NAV2: variants seen among roughly 807,000 people sequenced by gnomAD.
NAV2 encodes the protein helicase, APC down-regulated 1.
NAV2 carries 54 observed loss-of-function variants against 223.2 expected under a neutral mutation model. The observed-to-expected ratio is 0.24, with a 90% CI of 0.19 to 0.30. The LOEUF is 0.30. Among genes scored for constraint, NAV2 ranks in the 10% least tolerant of loss-of-function variants. The pLI, the probability that NAV2 is intolerant of heterozygous loss-of-function variation, is 1.00. For missense variants in NAV2, 2,806 were observed against 3,147.5 expected (o/e 0.89, Z 2.60); for synonymous variants, 1,279 against 1,239.3 (o/e 1.03, Z -0.67).
intron 1 of NAV2, among the ~76,000 whole-genome samples, chr11:19,644,826 C>T (rs558333145): frequency 1.1e-4 from 17 of 152,322 alleles, no homozygotes; most frequent in Non-Finnish European, 2.4e-4. Context: ...AAAACCAGAG[C>T]ACAAAGGTAT....
Position 19,736,910 on chromosome 11 carries a change from C to A in NAV2, c.267+22948C>A, listed in dbSNP as rs747478525. 2.6e-5 allele frequency among the ~76,000 whole-genome samples: 4 copies of A among 152,240 alleles called. No homozygotes were observed. In the South Asian group the frequency reaches 8.3e-4, roughly 32 times the overall value. ...CACCTGGCAAACCTTTTCTGAGGGG[C>A]CCCTACCAGGGGAAAAAAAAACTTA... is the stretch of plus-strand genomic sequence containing the variant. On this transcript the variant is annotated intron_variant, in intron 1 of 37. Transcript: ENST00000349880.
chr11:19,507,429 G>C (rs1175121036), intron 1 of NAV2, among the ~76,000 whole-genome samples: 1 of 152,166 alleles, frequency 6.6e-6, no homozygotes, highest in African/African-American at 2.4e-5. Context: ...CTCATTTGTT[G>C]TAATTAACAG....
intron 1 of NAV2, among the ~76,000 whole-genome samples, chr11:19,592,357 T>C (rs1387757315): frequency 1.3e-5 from 2 of 152,006 alleles, no homozygotes; most frequent in Non-Finnish European, 2.9e-5. Flanking sequence ...ATCTACTCAA[T>C]CCTCAAAACA....
chr11:19,848,887 C>A (rs1196033510), intron 3 of NAV2, among the ~76,000 whole-genome samples: 1 of 152,182 alleles, frequency 6.6e-6, no homozygotes, highest in Admixed American at 6.5e-5. Flanking sequence ...CCTGAGAGAT[C>A]TCATGTCACA....
intron 1 of NAV2, among the ~76,000 whole-genome samples, chr11:19,802,377 T>C (rs1035969283): frequency 6.6e-6 from 1 of 152,110 alleles, no homozygotes; most frequent in African/African-American, 2.4e-5. Context: ...GCCTGTGCTC[T>C]TTTTTCTAAA....
chr11:19,678,019 CTAT>C (rs1450518807), intron 1 of NAV2, among the ~76,000 whole-genome samples: 11 of 152,180 alleles, frequency 7.2e-5, no homozygotes, highest in African/African-American at 2.2e-4. Context: ...GAATCCATCC[CTAT>C]TGTCAGGTTG....
chr11:19,913,414 G>C lies in NAV2; in HGVS notation c.932-19762G>C, dbSNP rs535431409. Among the ~76,000 whole-genome samples, 5 of 152,176 alleles carry C rather than the reference G, an allele frequency of 3.3e-5. No individual in the cohort carries two copies. In the South Asian group the frequency reaches 1.0e-3, roughly 32 times the overall value. On this transcript the variant is annotated intron_variant, in intron 6 of 37. Transcript: ENST00000349880. ...AAACCTGTCTGCTCATTCCTTCACT[G>C]TTGGCCACCCCAGTTGGTCTTATCT...
At chr11:20,022,197 T>C (rs1476486993) in intron 11 of NAV2, among the ~76,000 whole-genome samples, 1 of 152,250 alleles carries the variant, frequency 6.6e-6, no homozygotes, top group African/African-American at 2.4e-5. Flanking sequence ...AAGTTTGCTT[T>C]TGAGTTCTCA....
chr11:19,416,255 T>C (rs1850364980), intron 1 of NAV2, among the ~76,000 whole-genome samples: 1 of 152,170 alleles, frequency 6.6e-6, no homozygotes, highest in Admixed American at 6.5e-5. Context: ...AGTCTCAGGA[T>C]ACAAAATCAA....
At chr11:19,362,496 A>G (rs1490259937) in intron 1 of NAV2, among the ~76,000 whole-genome samples, 2 of 152,198 alleles carry the variant, frequency 1.3e-5, no homozygotes, top group Non-Finnish European at 2.9e-5. Flanking sequence ...AAGTTCGTCA[A>G]TGTACCACCT....
rs188108978 is a variant in NAV2, at chr11:19,363,075, G to T, written c.75+12048G>T. 7.2e-4 allele frequency among the ~76,000 whole-genome samples: 109 copies of T among 152,206 alleles called. 1 individual carries two copies. The highest frequency in any genetic ancestry group is 1.3e-3 in the Non-Finnish European group (87 of 68,012). ...TATACACGTGCCATGCTGGTTTGCT[G>T]GTCCCATCAACCCATCACCTACATG... On this transcript the variant is annotated intron_variant, in intron 1 of 37. Coordinates refer to the NAV2 transcript ENST00000360655.
chr11:19,906,849 T>G (rs2028609), intron 6 of NAV2, among the ~76,000 whole-genome samples: 1 of 151,978 alleles, frequency 6.6e-6, no homozygotes, highest in Non-Finnish European at 1.5e-5. Context: ...TCTCCAGCCT[T>G]TGGGATTCTT....
intron 22 of NAV2, among the ~76,000 whole-genome samples, chr11:20,074,760 C>CCTCTTTTTTTTTTT (rs56895607): frequency 9.1e-6 from 1 of 110,240 alleles, no homozygotes; most frequent in Admixed American, 9.5e-5. Context: ...TGCAACTCTG[C>CCTCTTTTTTTTTTT]TTTTTTTTTT....
At chr11:19,975,562 G>A (rs982497468) in intron 10 of NAV2, among the ~76,000 whole-genome samples, 2 of 152,134 alleles carry the variant, frequency 1.3e-5, no homozygotes, top group Non-Finnish European at 2.9e-5. Context: ...ACAAACCTTG[G>A]TAGCCTGTTT....
chr11:19,796,391 C>T (rs2057898246), intron 1 of NAV2, among the ~76,000 whole-genome samples: 1 of 152,212 alleles, frequency 6.6e-6, no homozygotes, highest in African/African-American at 2.4e-5. Flanking sequence ...ACAAACCTGT[C>T]TGCTGTCATG....
At chr11:19,913,392 C>T (rs1009309259) in intron 6 of NAV2, among the ~76,000 whole-genome samples, 2 of 152,136 alleles carry the variant, frequency 1.3e-5, no homozygotes, top group Non-Finnish European at 1.5e-5. Context: ...CTTGTAGAAA[C>T]CTGTCTGCTC....
chr11:19,813,707 T>G (rs2152820063), intron 1 of NAV2, among the ~76,000 whole-genome samples: 1 of 152,290 alleles, frequency 6.6e-6, no homozygotes, highest in African/African-American at 2.4e-5. Flanking sequence ...GCTTCCACAG[T>G]GCTTTGAACT....
chr11:19,764,334 T>C (rs373521749), intron 1 of NAV2, among the ~76,000 whole-genome samples: 1 of 152,178 alleles, frequency 6.6e-6, no homozygotes, highest in Non-Finnish European at 1.5e-5. Flanking sequence ...AATTTAGAGG[T>C]AAGAAACAAG....
At chr11:20,016,630 C>T (rs2054025774) in intron 11 of NAV2, among the ~76,000 whole-genome samples, 1 of 152,142 alleles carries the variant, frequency 6.6e-6, no homozygotes, top group South Asian at 2.1e-4. Flanking sequence ...AGGGAGGGAT[C>T]CACAATCTGG....
Sources: gnomAD v4.1 joint callset for allele counts (sites outside exome capture counted in the v4.1 genomes callset) on GRCh38, gnomAD v4.1.1 for gene constraint, MANE v1.5 for transcripts, NCBI Gene and HGNC (gene_info 2026-07-23, HGNC 2026-07-21) for gene names.